SORCS2: variants seen among roughly 807,000 people sequenced by gnomAD.
SORCS2 encodes the protein VPS10 domain-containing receptor SorCS2.
Under a neutral mutation model 141.6 loss-of-function variants are expected in SORCS2, and 100 were observed. The observed-to-expected ratio is 0.71, with a 90% CI of 0.60 to 0.83. The LOEUF is 0.83. Ranked by LOEUF, SORCS2 falls within the 40% of genes least tolerant of loss-of-function variation. The pLI is 0.00. For synonymous variants in SORCS2, 789 were observed against 676.9 expected (o/e 1.17, Z -2.57); for missense variants, 1,646 against 1,560.2 (o/e 1.05, Z -0.93).
chr4:7,683,563 A>G (rs1723695321), intron 10 of SORCS2, among the ~76,000 whole-genome samples: 1 of 152,242 alleles, frequency 6.6e-6, no homozygotes, highest in Non-Finnish European at 1.5e-5. Context: ...AGAAACAGGC[A>G]AGTACAATTC....
At chr4:7,194,812 T>G (rs570306755) in intron 1 of SORCS2, among the ~76,000 whole-genome samples, 110 of 152,156 alleles carry the variant, frequency 7.2e-4, no homozygotes, top group South Asian at 6.0e-3. Context: ...AAGGACCACA[T>G]AAATACAAAA....
At chr4:7,340,640 C>CA (rs1431410415) in intron 1 of SORCS2, among the ~76,000 whole-genome samples, 1 of 152,242 alleles carries the variant, frequency 6.6e-6, no homozygotes, top group African/African-American at 2.4e-5. Context: ...TGCACTCTTG[C>CA]ACGTGAGCAC....
rs980282009 is a variant in SORCS2 at position 7,740,865 on chromosome 4, C to T, written c.*601C>T. 5.1e-5 allele frequency: 20 copies of T among 392,478 alleles called. No homozygotes were observed. The highest frequency in any genetic ancestry group is 8.5e-5 in the Non-Finnish European group (19 of 222,270). The allele number at this position is 392,478 out of a possible 1,614,324, so 24.3% of individuals were successfully genotyped here. On this transcript the variant is annotated 3_prime_UTR_variant, in exon 27 of 27. Transcript: ENST00000507866. ...TGCTGGCGGTGGTGGGGGTGTCTCA[C>T]TCTCTGTCTTTATAGCCGGCGGTAG...
At chr4:7,673,180 G>A (rs1358598104) in intron 8 of SORCS2, among the ~76,000 whole-genome samples, 1 of 152,196 alleles carries the variant, frequency 6.6e-6, no homozygotes, top group African/African-American at 2.4e-5. Context: ...CTCAATATTG[G>A]AATACATAAA....
intron 3 of SORCS2, among the ~76,000 whole-genome samples, chr4:7,632,639 G>A (rs148954837): frequency 1.1e-4 from 16 of 152,146 alleles, no homozygotes; most frequent in Non-Finnish European, 1.6e-4. Flanking sequence ...TGGAGGGTGC[G>A]GACTGCCGCA....
intron 3 of SORCS2, among the ~76,000 whole-genome samples, chr4:7,557,181 T>G (rs1268813672): frequency 1.3e-5 from 2 of 152,128 alleles, no homozygotes; most frequent in African/African-American, 4.8e-5. Flanking sequence ...GCGGTTGAAT[T>G]TACCTTTGTT....
intron 3 of SORCS2, among the ~76,000 whole-genome samples, chr4:7,592,681 C>G (rs1447359886): frequency 6.6e-6 from 1 of 152,212 alleles, no homozygotes; most frequent in Non-Finnish European, 1.5e-5. Context: ...GCTGTGCCAA[C>G]CCACTATGGA....
At chr4:7,248,133 C>T (rs530332458) in intron 1 of SORCS2, among the ~76,000 whole-genome samples, 5 of 152,288 alleles carry the variant, frequency 3.3e-5, no homozygotes, top group South Asian at 4.1e-4. Context: ...GCTTAGCCAC[C>T]GACTGTGTGT....
At chr4:7,293,892 A>T (rs1173575139) in intron 1 of SORCS2, among the ~76,000 whole-genome samples, 1 of 152,140 alleles carries the variant, frequency 6.6e-6, no homozygotes, top group Admixed American at 6.5e-5. Context: ...GGCTATTCCG[A>T]GGCGCTGTCC....
chr4:7,354,905 A>C (rs186631958), intron 1 of SORCS2, among the ~76,000 whole-genome samples: 12 of 152,328 alleles, frequency 7.9e-5, no homozygotes, highest in Admixed American at 7.2e-4. Context: ...GGTGATATTT[A>C]GCACTTCTTA....
At chr4:7,399,769 G>A (rs946082827) in intron 2 of SORCS2, among the ~76,000 whole-genome samples, 1 of 151,536 alleles carries the variant, frequency 6.6e-6, no homozygotes, top group African/African-American at 2.4e-5. Context: ...TCTCACCAGA[G>A]GCACAAGAAA....
intron 3 of SORCS2, among the ~76,000 whole-genome samples, chr4:7,546,604 G>A (rs1033509900): frequency 1.3e-5 from 2 of 152,192 alleles, no homozygotes; most frequent in Admixed American, 6.5e-5. Context: ...CAGGGTGACC[G>A]TGACACCTGG....
intron 3 of SORCS2, among the ~76,000 whole-genome samples, chr4:7,550,319 C>T (rs1713601566): frequency 6.6e-6 from 1 of 152,122 alleles, no homozygotes; most frequent in Non-Finnish European, 1.5e-5. Flanking sequence ...GGGCCTGTCC[C>T]TGTTTGCTCC....
At chr4:7,328,961 T>C (rs1047356209) in intron 1 of SORCS2, among the ~76,000 whole-genome samples, 1 of 152,194 alleles carries the variant, frequency 6.6e-6, no homozygotes, top group African/African-American at 2.4e-5. Context: ...AGACCGCTCT[T>C]GGCTGACAAC....
At chr4:7,681,371 A>G (rs937052763) in intron 9 of SORCS2, among the ~76,000 whole-genome samples, 4 of 152,190 alleles carry the variant, frequency 2.6e-5, no homozygotes, top group Admixed American at 6.5e-5. Context: ...GGCAGGAGAG[A>G]GAGTCAGAGA....
chr4:7,729,541 G>T, intron 22 of SORCS2, 46 bp from the exon 23 acceptor site: 3 of 1,551,168 alleles, frequency 1.9e-6, no homozygotes, highest in Non-Finnish European at 2.6e-6. Context: ...ATGAGGCAGG[G>T]AATGAGGAAG....
chr4:7,656,081 C>T (rs542678585), intron 5 of SORCS2, among the ~76,000 whole-genome samples: 10 of 152,318 alleles, frequency 6.6e-5, no homozygotes, highest in South Asian at 6.2e-4. Flanking sequence ...CCCTTGTAAG[C>T]GGTGAATAAT....
At chr4:7,724,677 AGTG>A (rs1726992871) in intron 19 of SORCS2, among the ~76,000 whole-genome samples, 1 of 81,174 alleles carries the variant, frequency 1.2e-5, no homozygotes, top group Non-Finnish European at 2.5e-5. Flanking sequence ...TAATGGTGGT[AGTG>A]GTGATGGTGG....
At chr4:7,202,054 C>T (rs1727509429) in intron 1 of SORCS2, among the ~76,000 whole-genome samples, 1 of 150,846 alleles carries the variant, frequency 6.6e-6, no homozygotes, top group African/African-American at 2.4e-5. Context: ...GGCTGTCAGT[C>T]TAAGTGGGTG....
Sources: allele counts gnomAD v4.1 joint callset (sites outside exome capture counted in the v4.1 genomes callset), GRCh38; gene constraint gnomAD v4.1.1; transcripts MANE v1.5; gene names NCBI Gene and HGNC (gene_info 2026-07-23, HGNC 2026-07-21).